Variants in NKAIN1 observed in about 807,000 individuals in gnomAD.
NKAIN1 encodes sodium/potassium transporting ATPase interacting 1, also known as sodium/potassium-transporting ATPase subunit beta-1-interacting protein 1.
A neutral mutation model predicts 31.6 loss-of-function variants in NKAIN1; 13 were observed. That is an observed-to-expected ratio of 0.41 (90% confidence interval 0.27 to 0.65). The LOEUF is 0.65. Among genes scored for constraint, NKAIN1 ranks in the 30% least tolerant of loss-of-function variants. The pLI is 0.30. For synonymous variants in NKAIN1, 104 were observed against 109.0 expected, an observed-to-expected ratio of 0.95 and a Z score of 0.28; for missense variants, 193 against 262.2, an observed-to-expected ratio of 0.74 and a Z score of 1.82.
At chr1:31,236,977 G>C (rs980619357) in intron 1 of NKAIN1, among the ~76,000 whole-genome samples, 1 of 152,208 alleles carries the variant, frequency 6.6e-6, no homozygotes, top group Non-Finnish European at 1.5e-5. Flanking sequence ...ATCCTGGCTG[G>C]ATGTGGTGGC....
chr1:31,203,586 A>G (rs1377389813), intron 1 of NKAIN1, among the ~76,000 whole-genome samples: 1 of 70,606 alleles, frequency 1.4e-5, no homozygotes, highest in Non-Finnish European at 3.5e-5. Flanking sequence ...ATCGAGGAGT[A>G]ATTTTTTTTT....
intron 1 of NKAIN1, among the ~76,000 whole-genome samples, chr1:31,213,994 AAAAAAAGAAT>A (rs1278017283): frequency 6.0e-4 from 11 of 18,220 alleles, no homozygotes; most frequent in African/African-American, 1.3e-3. Context: ...CCCCTGTCTC[AAAAAAAGAAT>A]AAAATAAAAA....
In NKAIN1 at chr1:31,239,575, C is replaced by T; in HGVS notation, c.-28G>A. 1.7e-6 allele frequency: 2 copies of T among 1,204,278 alleles called. No individual in the cohort carries two copies. The highest frequency in any genetic ancestry group is 2.1e-6 in the Non-Finnish European group (2 of 969,354). 74.6% of individuals were successfully genotyped at this position (1,204,278 alleles called of 1,614,324 possible). A position where few individuals can be genotyped will look rare whatever the true frequency, so the allele number is the denominator to read the frequency against. On this transcript the variant is annotated 5_prime_UTR_variant, in exon 1 of 7. Coordinates refer to ENST00000373736, the MANE Select transcript of NKAIN1 (RefSeq NM_024522.3). The surrounding 1 kb of genome is among the most constrained non-coding windows in gnomAD (Gnocchi z 4.8). ...CTCCGGGGGCTGCGCGGGCCGCACG[C>T]CGCGGCGCCCTTCTTGCTCCGCGGC...
chr1:31,181,970 G>C, intron 5 of NKAIN1, 29 bp from the exon 6 acceptor site: 1 of 1,586,178 alleles, frequency 6.3e-7, no homozygotes, highest in Non-Finnish European at 8.6e-7. Flanking sequence ...GCATGTTAGG[G>C]ATCGGCGGCG....
chr1:31,185,339 A>G lies in NKAIN1; in HGVS notation c.193-12T>C, dbSNP rs746903355. 2 of 1,600,844 alleles carry G rather than the reference A, an allele frequency of 1.2e-6. No homozygotes were observed. The highest frequency in any genetic ancestry group is 1.7e-6 in the Non-Finnish European group (2 of 1,172,590). On this transcript the variant is annotated splice_polypyrimidine_tract_variant and intron_variant, in intron 2 of 6. Transcript: ENST00000373736. ...AGCCAGGCTGCATACTGGGGAAAGC[A>G]GAGGTGGGATCAGGGTGGGGCCTGG...
chr1:31,191,248 G>A lies in NKAIN1; in HGVS notation c.55-3061C>T, dbSNP rs191763887. Among the ~76,000 whole-genome samples, 439 of 149,742 alleles carry A rather than the reference G, an allele frequency of 2.9e-3. 1 individual carries two copies. Among genetic ancestry groups the A allele is most frequent in the African/African-American group, 0.011 (431 of 40,538 alleles). Reference sequence around the variant, plus strand: ...AGAGGCTGCAGTGAGCCAAGATCGCGCCACTGTACTCCAGCCTAGGTGACA... The same window carrying A: ...AGAGGCTGCAGTGAGCCAAGATCGCACCACTGTACTCCAGCCTAGGTGACA... On this transcript the variant is annotated intron_variant, in intron 1 of 6. Coordinates refer to ENST00000373736, the MANE Select transcript of NKAIN1 (RefSeq NM_024522.3).
chr1:31,232,094 TG>T (rs67888824), intron 1 of NKAIN1, among the ~76,000 whole-genome samples: 168 of 148,554 alleles, frequency 1.1e-3, no homozygotes, highest in African/African-American at 3.7e-3. Flanking sequence ...TTTACCTTTT[TG>T]TTTTTCTTTT....
At chr1:31,227,039 G>C (rs752824865) in intron 1 of NKAIN1, among the ~76,000 whole-genome samples, 4 of 152,144 alleles carry the variant, frequency 2.6e-5, no homozygotes, top group Non-Finnish European at 5.9e-5. Context: ...TGGCCAGGCT[G>C]TTCTCAAACT....
At chr1:31,231,920 T>C (rs904450397) in intron 1 of NKAIN1, among the ~76,000 whole-genome samples, 1 of 151,412 alleles carries the variant, frequency 6.6e-6, no homozygotes, top group African/African-American at 2.4e-5. Flanking sequence ...GCTTTTTTTT[T>C]TTTTTTAATT....
chr1:31,194,928 T>G (rs1185117296), intron 1 of NKAIN1, among the ~76,000 whole-genome samples: 1 of 151,524 alleles, frequency 6.6e-6, no homozygotes, highest in Non-Finnish European at 1.5e-5. Flanking sequence ...AGTGCCACCA[T>G]GCCCAGCTAA....
intron 1 of NKAIN1, among the ~76,000 whole-genome samples, chr1:31,193,073 T>G (rs565896346): frequency 6.6e-6 from 1 of 151,010 alleles, no homozygotes; most frequent in Non-Finnish European, 1.5e-5. Flanking sequence ...ATTTTTTTAT[T>G]TTTTTATTTT....
chr1:31,226,556 C>G (rs1645609209), intron 1 of NKAIN1, among the ~76,000 whole-genome samples: 1 of 148,736 alleles, frequency 6.7e-6, no homozygotes, highest in Admixed American at 6.7e-5. Context: ...CGGAGTCTCA[C>G]TGTCACCCAG....
chr1:31,198,773 T>C (rs1258568058), intron 1 of NKAIN1, among the ~76,000 whole-genome samples: 1 of 131,054 alleles, frequency 7.6e-6, no homozygotes, highest in East Asian at 2.3e-4. Context: ...TGAAGGGGGA[T>C]GCCGTTGCCA....
intron 1 of NKAIN1, among the ~76,000 whole-genome samples, chr1:31,225,324 C>T (rs1384942183): frequency 1.0e-5 from 1 of 95,558 alleles, no homozygotes; most frequent in Non-Finnish European, 2.0e-5. Flanking sequence ...CCATGCCCGG[C>T]CTTTTTTTTT....
chr1:31,224,278 G>T (rs1212224723), intron 1 of NKAIN1, among the ~76,000 whole-genome samples: 1 of 152,206 alleles, frequency 6.6e-6, no homozygotes, highest in Non-Finnish European at 1.5e-5. Context: ...CTGGAGCCAA[G>T]GAGTTCAGAG....
intron 1 of NKAIN1, among the ~76,000 whole-genome samples, chr1:31,238,413 T>C (rs890434671): frequency 7.2e-5 from 11 of 152,194 alleles, no homozygotes; most frequent in Admixed American, 2.0e-4. Context: ...GGTTCGGCGA[T>C]GGAGGTCCCC....
At chr1:31,234,242 G>A (rs146522255) in intron 1 of NKAIN1, among the ~76,000 whole-genome samples, 292 of 152,250 alleles carry the variant, frequency 1.9e-3, no homozygotes, top group African/African-American at 2.6e-3. Context: ...TCTGATACCC[G>A]GCCCAAGGAC....
chr1:31,198,113 G>A (rs1645345374), intron 1 of NKAIN1, among the ~76,000 whole-genome samples: 1 of 152,186 alleles, frequency 6.6e-6, no homozygotes, highest in African/African-American at 2.4e-5. Context: ...AGGAATTTCT[G>A]CTTGTGTGGT....
chr1:31,238,753 C>G (rs911967118), intron 1 of NKAIN1, among the ~76,000 whole-genome samples: 1 of 152,134 alleles, frequency 6.6e-6, no homozygotes, highest in Non-Finnish European at 1.5e-5. Context: ...GATGGAACCC[C>G]CATGGCCACA....
Sources: allele counts gnomAD v4.1 joint callset (sites outside exome capture counted in the v4.1 genomes callset), GRCh38; gene constraint gnomAD v4.1.1; non-coding constraint Gnocchi (gnomAD v3.1); transcripts MANE v1.5; gene names NCBI Gene and HGNC (gene_info 2026-07-23, HGNC 2026-07-21).